Variants in ASPH observed in about 807,000 individuals in gnomAD.
ASPH encodes aspartyl/asparaginyl beta-hydroxylase.
ASPH carries 100 observed loss-of-function variants against 118.4 expected under a neutral mutation model. The observed-to-expected ratio is 0.84, with a 90% CI of 0.72 to 1.00. ASPH has a LOEUF of 1.00. ASPH is among the 50% of genes least tolerant of loss of function. ASPH has a pLI of 0.00. For missense variants in ASPH, 920 were observed against 919.5 expected, an observed-to-expected ratio of 1.00 and a Z score of -0.01; for synonymous variants, 315 against 325.6, an observed-to-expected ratio of 0.97 and a Z score of 0.35.
intron 17 of ASPH, among the ~76,000 whole-genome samples, chr8:61,565,826 G>A (rs776748970): frequency 3.9e-5 from 6 of 152,330 alleles, no homozygotes; most frequent in Non-Finnish European, 7.4e-5. Context: ...AATGCAGCTG[G>A]AGACTTTAAG....
intron 21 of ASPH, among the ~76,000 whole-genome samples, chr8:61,531,086 C>T (rs987006021): frequency 6.6e-6 from 1 of 152,184 alleles, no homozygotes; most frequent in Admixed American, 6.5e-5. Flanking sequence ...ATGTCACATG[C>T]AGCATTTTTT....
intron 13 of ASPH, among the ~76,000 whole-genome samples, chr8:61,627,491 T>A (rs1460196491): frequency 6.6e-6 from 1 of 152,200 alleles, no homozygotes; most frequent in Admixed American, 6.6e-5. Flanking sequence ...CGTTTTATCT[T>A]GATCTGAGTA....
Position 61,643,509 on chromosome 8 carries a change from T to C in ASPH, c.710-76A>G, listed in dbSNP as rs563901144. On this transcript the variant is annotated intron_variant, in intron 8 of 24. Transcript: ENST00000379454. ...GCCAGACAGCATTCTAGGAGATTCATAAATTAATTATCTTCACAACTTTGC... is the reference window on the plus strand; with the variant it reads ...GCCAGACAGCATTCTAGGAGATTCACAAATTAATTATCTTCACAACTTTGC... The C allele has an allele frequency of 1.0e-4, 137 of 1,375,222 alleles. 1 individual carries two copies. Among genetic ancestry groups the C allele is most frequent in the Middle Eastern group, 3.6e-4 (2 of 5,524 alleles). 85.2% of individuals were successfully genotyped at this position (1,375,222 alleles called of 1,614,324 possible). A position where few individuals can be genotyped will look rare whatever the true frequency, so the allele number is the denominator to read the frequency against.
intron 20 of ASPH, among the ~76,000 whole-genome samples, chr8:61,550,691 G>A (rs1179756281): frequency 1.3e-5 from 2 of 152,186 alleles, no homozygotes; most frequent in African/African-American, 2.4e-5. Flanking sequence ...ATGCTATCGC[G>A]TGCAAACAGA....
chr8:61,617,210 G>C (rs1296832857), intron 14 of ASPH, among the ~76,000 whole-genome samples: 1 of 152,154 alleles, frequency 6.6e-6, no homozygotes, highest in Non-Finnish European at 1.5e-5. Flanking sequence ...TGTATATGGG[G>C]AAATGCTCCG....
rs769209065 is a variant in ASPH, at chr8:61,651,030, G to A, written c.490+20C>T. ...CGTTATTTTAGTAACTCAAAACAAAGAGCAGATTTTAATTCATACCATGTT... is the reference window on the plus strand; with the variant it reads ...CGTTATTTTAGTAACTCAAAACAAAAAGCAGATTTTAATTCATACCATGTT... On this transcript the variant is annotated intron_variant, in intron 5 of 24. Coordinates refer to ENST00000379454, the MANE Select transcript of ASPH (RefSeq NM_004318.4). 4 of 1,594,298 alleles carry A rather than the reference G, an allele frequency of 2.5e-6. No homozygotes were observed. The highest frequency in any genetic ancestry group is 1.7e-4 in the Middle Eastern group (1 of 5,998).
intron 3 of ASPH, among the ~76,000 whole-genome samples, chr8:61,654,269 A>C (rs1438395862): frequency 6.6e-6 from 1 of 152,240 alleles, no homozygotes; most frequent in Non-Finnish European, 1.5e-5. Context: ...GTTAACATGA[A>C]ACTGATTTTA....
intron 10 of ASPH, among the ~76,000 whole-genome samples, chr8:61,641,048 T>G (rs1382138552): frequency 2.0e-5 from 3 of 152,240 alleles, no homozygotes; most frequent in Non-Finnish European, 2.9e-5. Context: ...TTTTAGCATA[T>G]AGTGAATAAT....
intron 15 of ASPH, among the ~76,000 whole-genome samples, chr8:61,577,421 A>AAAAAAAAAG (rs1197809235): frequency 6.7e-6 from 1 of 148,262 alleles, no homozygotes; most frequent in African/African-American, 2.5e-5. Context: ...AAAAAAAAAA[A>AAAAAAAAAG]AAGACAAGAC....
At chr8:61,611,984 C>T in intron 14 of ASPH, among the ~76,000 whole-genome samples, 1 of 149,986 alleles carries the variant, frequency 6.7e-6, no homozygotes, top group Non-Finnish European at 1.5e-5. Flanking sequence ...CAACCAAAAA[C>T]TACTAGATAT....
intron 1 of ASPH, among the ~76,000 whole-genome samples, chr8:61,692,692 T>A (rs777634711): frequency 2.0e-5 from 3 of 152,110 alleles, no homozygotes; most frequent in Non-Finnish European, 4.4e-5. Flanking sequence ...GTTCTCAAAC[T>A]CTGAGCACGT....
At chr8:61,546,254 T>G (rs188987381) in intron 21 of ASPH, among the ~76,000 whole-genome samples, 12 of 152,344 alleles carry the variant, frequency 7.9e-5, no homozygotes, top group Admixed American at 6.5e-4. Flanking sequence ...TCTGCCCTAC[T>G]GCTAGGCTTC....
intron 3 of ASPH, among the ~76,000 whole-genome samples, chr8:61,674,278 T>C (rs1824127923): frequency 6.6e-6 from 1 of 152,154 alleles, no homozygotes; most frequent in East Asian, 1.9e-4. Context: ...TACCCAAGTA[T>C]GAAAGCAGAA....
At chr8:61,646,252 G>A (rs1807902608) in intron 6 of ASPH, among the ~76,000 whole-genome samples, 1 of 152,152 alleles carries the variant, frequency 6.6e-6, no homozygotes, top group Non-Finnish European at 1.5e-5. Context: ...ACGCTGTGAT[G>A]GCAGAGTTGA....
At chr8:61,522,847 A>T (rs1266226634) in intron 22 of ASPH, among the ~76,000 whole-genome samples, 1 of 152,180 alleles carries the variant, frequency 6.6e-6, no homozygotes, top group Non-Finnish European at 1.5e-5. Context: ...CTTATCAGGG[A>T]ATCAGTTATA....
intron 1 of ASPH, among the ~76,000 whole-genome samples, chr8:61,690,528 C>T (rs539840068): frequency 6.6e-6 from 1 of 151,994 alleles, no homozygotes; most frequent in Admixed American, 6.6e-5. Flanking sequence ...TCTCCCCAAC[C>T]TCATCTCCAA....
At chr8:61,706,962 A>G (rs776840437) in intron 1 of ASPH, among the ~76,000 whole-genome samples, 2 of 152,230 alleles carry the variant, frequency 1.3e-5, no homozygotes, top group African/African-American at 4.8e-5. Flanking sequence ...AAAATATACA[A>G]TAAAATGCTA....
At chr8:61,691,926 C>G (rs552412011) in intron 1 of ASPH, among the ~76,000 whole-genome samples, 1 of 152,184 alleles carries the variant, frequency 6.6e-6, no homozygotes, top group Non-Finnish European at 1.5e-5. Flanking sequence ...TTCTTCTCCT[C>G]TCTTTACTGG....
intron 3 of ASPH, among the ~76,000 whole-genome samples, chr8:61,676,748 T>C (rs1825602914): frequency 6.6e-6 from 1 of 152,158 alleles, no homozygotes; most frequent in Non-Finnish European, 1.5e-5. Flanking sequence ...TATCGAGAGT[T>C]GATTATACAC....
Sources: allele counts gnomAD v4.1 joint callset (sites outside exome capture counted in the v4.1 genomes callset), GRCh38; gene constraint gnomAD v4.1.1; transcripts MANE v1.5; gene names NCBI Gene and HGNC (gene_info 2026-07-23, HGNC 2026-07-21).